Variants in FGF23 observed in about 807,000 individuals in gnomAD.
FGF23 encodes the protein fibroblast growth factor 23.
FGF23 carries 8 observed loss-of-function variants against 9.0 expected under a neutral mutation model. The observed-to-expected ratio is 0.89, with a 90% CI of 0.52 to 1.60. The LOEUF is 1.60. Ranked by LOEUF, FGF23 falls within the 40% of genes most tolerant of loss-of-function variation. The pLI is 0.00. For synonymous variants in FGF23, 118 were observed against 146.2 expected (o/e 0.81, Z 1.39); for missense variants, 311 against 344.3 (o/e 0.90, Z 0.77).
At position 4,372,528 on chromosome 12, in the gene FGF23, T is replaced by G. The variant is rs1473388653; in HGVS notation, c.315+66A>C. 8.0e-6 allele frequency: 8 copies of G among 994,340 alleles called. No individual in the cohort carries two copies. In the East Asian group the frequency reaches 1.9e-4, roughly 24 times the overall value. 61.6% of individuals were successfully genotyped at this position (994,340 alleles called of 1,614,324 possible). ...ATGGAATTGTTAAGCTAGAAAAGTC[T>G]ATGTCGTGTCAAAGAAATTAGGTTA... On this transcript the variant is annotated intron_variant, in intron 2 of 2. Coordinates refer to ENST00000237837, the MANE Select transcript of FGF23 (RefSeq NM_020638.3).
In FGF23 at chr12:4,375,573, C is replaced by T. The variant is rs563030617; in HGVS notation, c.212-2876G>A. 5.9e-5 allele frequency among the ~76,000 whole-genome samples: 9 copies of T among 152,332 alleles called. No homozygotes were observed. In the South Asian group the frequency reaches 1.5e-3, roughly 25 times the overall value. On this transcript the variant is annotated intron_variant, in intron 1 of 2. Transcript: ENST00000237837. Reference sequence around the variant, plus strand: ...ACCATGGACTGCCGGAGCAACCAGCCCCGCCTGTTGGAGCTGAGCAGGCTT... The same window carrying T: ...ACCATGGACTGCCGGAGCAACCAGCTCCGCCTGTTGGAGCTGAGCAGGCTT...
At position 4,379,500 on chromosome 12, in the gene FGF23, G is replaced by T. The variant is rs780318302; in HGVS notation, c.83C>A (p.Ala28Asp). Residue 28 changes from alanine (A) to aspartate (D), a missense_variant, in exon 1 of 3, where the codon GCC (alanine) becomes GAC (aspartate). This residue lies in a region of FGF23 where 102 missense variants were observed against 108.2 expected (regional missense o/e 0.94). Transcript: ENST00000237837. Reference sequence around the variant, plus strand: ...CCAGCTGGAGCCGAGCAGTGGGGAGGCATTGGGATAGGCTCTGAGGACGCT... The same window carrying T: ...CCAGCTGGAGCCGAGCAGTGGGGAGTCATTGGGATAGGCTCTGAGGACGCT... ...SMSVLRAYPN[A>D]SPLLGSSWGG... is the part of the protein sequence containing the mutation. The T allele has an allele frequency of 3.1e-6, 5 of 1,613,050 alleles. No homozygotes were observed. The Admixed American group carries it at 8.3e-5, about 27-fold the overall frequency.
chr12:4,374,917 T>C (rs1476520267), intron 1 of FGF23, among the ~76,000 whole-genome samples: 1 of 152,130 alleles, frequency 6.6e-6, no homozygotes, highest in Non-Finnish European at 1.5e-5. Context: ...GTAACAAGCC[T>C]CCAGCAGAAA....
intron 1 of FGF23, among the ~76,000 whole-genome samples, chr12:4,376,742 C>T (rs1865120280): frequency 6.6e-6 from 1 of 152,154 alleles, no homozygotes; most frequent in Admixed American, 6.5e-5. Context: ...TGGTCTCGAA[C>T]CCCTGACTTC....
At position 4,369,027 on chromosome 12, in the gene FGF23, G is replaced by T. The variant is rs138576496; in HGVS notation, c.*1316C>A. ...CTTTAGGTGGTCATTTAAAGAGAGG[G>T]AGGAAAATGGAGCCCCCTTACAGGA... On this transcript the variant is annotated 3_prime_UTR_variant, in exon 3 of 3. Coordinates refer to ENST00000237837, the MANE Select transcript of FGF23 (RefSeq NM_020638.3). The T allele has an allele frequency of 2.6e-3, 601 of 227,886 alleles. 7 individuals are homozygous for T. Among genetic ancestry groups the T allele is most frequent in the African/African-American group, 0.012 (528 of 45,134 alleles). The allele number at this position is 227,886 out of a possible 1,614,324, so 14.1% of individuals were successfully genotyped here.
intron 2 of FGF23, among the ~76,000 whole-genome samples, chr12:4,371,104 C>T (rs577196411): frequency 3.9e-4 from 60 of 152,304 alleles, no homozygotes; most frequent in African/African-American, 1.4e-3. Flanking sequence ...TTCCAAGCCT[C>T]TGCTGGCTGA....
chr12:4,375,947 G>A (rs144284239), intron 1 of FGF23, among the ~76,000 whole-genome samples: 1 of 152,306 alleles, frequency 6.6e-6, no homozygotes, highest in Non-Finnish European at 1.5e-5. Flanking sequence ...TAAATAAGAT[G>A]ATAGCAGTGA....
Position 4,370,729 on chromosome 12 carries a change from A to C in FGF23, c.370T>G (p.Tyr124Asp). 6.2e-7 allele frequency: 1 copy of C among 1,614,032 alleles called. No homozygotes were observed. The highest frequency in any genetic ancestry group is 8.5e-7 in the Non-Finnish European group (1 of 1,180,012). ...RFQHQTLENGYDVYHSPQYHF... is the reference protein window; with the variant it reads ...RFQHQTLENGDDVYHSPQYHF... ...TACTGAGGAGAGTGGTAGACGTCGTACCCGTTTTCCAGCGTCTGGTGTTGG... is the reference window on the plus strand; with the variant it reads ...TACTGAGGAGAGTGGTAGACGTCGTCCCCGTTTTCCAGCGTCTGGTGTTGG... Residue 124 changes from tyrosine to aspartate, a missense_variant, in exon 3 of 3, where the codon TAC becomes GAC. Physicochemically the swap from Tyr to Asp is radical, Grantham distance 160 (BLOSUM62 -3). Transcript: ENST00000237837.
At chr12:4,371,285 G>A (rs1031725935) in intron 2 of FGF23, among the ~76,000 whole-genome samples, 1 of 152,202 alleles carries the variant, frequency 6.6e-6, no homozygotes, top group African/African-American at 2.4e-5. Context: ...CCCCACGAAG[G>A]CCTTTGCCTG....
At position 4,369,525 on chromosome 12, in the gene FGF23, T is replaced by G; in HGVS notation, c.*818A>C. 4.4e-6 allele frequency: 1 copy of G among 229,154 alleles called. No individual in the cohort carries two copies. Among genetic ancestry groups the G allele is most frequent in the Non-Finnish European group, 8.7e-6 (1 of 115,420 alleles). 14.2% of individuals were successfully genotyped at this position (229,154 alleles called of 1,614,324 possible). On this transcript the variant is annotated 3_prime_UTR_variant, in exon 3 of 3. Coordinates refer to ENST00000237837, the MANE Select transcript of FGF23 (RefSeq NM_020638.3). ...AAAGCTATTTATTCCTTAGACCAAA[T>G]TTTCAAAAACCAGAGATGGGGCCAA...
chr12:4,370,991 C>T (rs1299757521), intron 2 of FGF23, among the ~76,000 whole-genome samples: 1 of 152,242 alleles, frequency 6.6e-6, no homozygotes, highest in Admixed American at 6.5e-5. Flanking sequence ...CTTTCAGAGA[C>T]TACGACTACT....
chr12:4,378,428 GAAGATCCAGTCTTTTTC>G (rs1429917662), intron 1 of FGF23, among the ~76,000 whole-genome samples: 1 of 152,090 alleles, frequency 6.6e-6, no homozygotes, highest in East Asian at 1.9e-4. Flanking sequence ...TCTTAAAATA[GAAGATCCAGTCTTTTTC>G]AATATCTATC....
chr12:4,378,639 C>T (rs1227959460), intron 1 of FGF23, among the ~76,000 whole-genome samples: 1 of 152,150 alleles, frequency 6.6e-6, no homozygotes, highest in African/African-American at 2.4e-5. Context: ...ACTGACTGGA[C>T]ACCTTTCAGT....
chr12:4,370,364 G>A lies in FGF23; in HGVS notation c.735C>T (p.Arg245=). 6.2e-7 allele frequency: 1 copy of A among 1,613,566 alleles called. No individual in the cohort carries two copies. Among genetic ancestry groups the A allele is most frequent in the Admixed American group, 1.7e-5 (1 of 60,028 alleles). Residue 245 remains arginine (R), a synonymous_variant, in exon 3 of 3, where the codon CGC becomes CGT. Transcript: ENST00000237837. ...GACCCTAGATGAACTTGGCGAAGGGGCGGCAGCCTTCCGGGCCCGTTCCCC... is the reference window on the plus strand; with the variant it reads ...GACCCTAGATGAACTTGGCGAAGGGACGGCAGCCTTCCGGGCCCGTTCCCC... ...HAGGTGPEGC[R]PFAKFI
intron 1 of FGF23, among the ~76,000 whole-genome samples, chr12:4,374,286 G>A (rs1353232547): frequency 6.6e-6 from 1 of 152,232 alleles, no homozygotes; most frequent in African/African-American, 2.4e-5. Context: ...CCACAGTGGT[G>A]TCTGCCTATG....
In FGF23 at chr12:4,370,102, T is replaced by C. The variant is rs1211842335; in HGVS notation, c.*241A>G. The C allele has an allele frequency of 7.7e-6, 4 of 516,432 alleles. No individual in the cohort carries two copies. In the East Asian group the frequency reaches 1.3e-4, roughly 16 times the overall value. The allele number at this position is 516,432 out of a possible 1,614,324, so 32.0% of individuals were successfully genotyped here. A position where few individuals can be genotyped will look rare whatever the true frequency, so the allele number is the denominator to read the frequency against. The stretch of plus-strand genomic sequence containing the variant: ...ATGAAGGGGAAATTTCTAGTTTACC[T>C]GTTGGGGTTTCCTATTGGGAAAGGT... On this transcript the variant is annotated 3_prime_UTR_variant, in exon 3 of 3. Transcript: ENST00000237837.
intron 1 of FGF23, among the ~76,000 whole-genome samples, chr12:4,376,721 G>A (rs574954949): frequency 1.3e-5 from 2 of 152,260 alleles, no homozygotes; most frequent in South Asian, 2.1e-4. Context: ...GTTTCCCCAT[G>A]TTGGCCAGAC....
At chr12:4,377,320 A>G (rs1438818610) in intron 1 of FGF23, among the ~76,000 whole-genome samples, 3 of 152,060 alleles carry the variant, frequency 2.0e-5, no homozygotes, top group Non-Finnish European at 4.4e-5. Flanking sequence ...GATTCGAGAC[A>G]AGTTGTATAA....
rs140688995 is a variant in FGF23, at chr12:4,379,583, C to G, written c.-1G>C. ...AGAGCCTGAGGCGGGCCCCCAACAT[C>G]GTGCCCTGCTCTGAGTGGCTGGTGC... On this transcript the variant is annotated 5_prime_UTR_variant, in exon 1 of 3. Transcript: ENST00000237837. 6.3e-7 allele frequency: 1 copy of G among 1,595,192 alleles called. No individual in the cohort carries two copies. Among genetic ancestry groups the G allele is most frequent in the African/African-American group, 1.3e-5 (1 of 74,574 alleles).
Sources: gnomAD v4.1 joint callset for allele counts (sites outside exome capture counted in the v4.1 genomes callset) on GRCh38, gnomAD v4.1.1 for gene constraint, gnomAD v4.1.1 regional missense constraint, MANE v1.5 for transcripts, NCBI Gene and HGNC (gene_info 2026-07-23, HGNC 2026-07-21) for gene names.